ARID4A: variants seen among roughly 807,000 people sequenced by gnomAD.
ARID4A encodes the protein AT-rich interactive domain-containing protein 4A.
In ARID4A, 39 loss-of-function variants were observed where a neutral mutation model predicts 148.6. The ratio of observed to expected loss-of-function variants is 0.26; its 90% CI spans 0.20 to 0.34. The LOEUF is 0.34. ARID4A is among the 10% of genes least tolerant of loss of function. The pLI, the probability that ARID4A is intolerant of heterozygous loss-of-function variation, is 1.00. For missense variants in ARID4A, 1,265 were observed against 1,449.1 expected (o/e 0.87, Z 2.06); for synonymous variants, 475 against 481.2 (o/e 0.99, Z 0.17).
chr14:58,332,769 A>G (rs181241501), intron 11 of ARID4A, among the ~76,000 whole-genome samples: 313 of 152,262 alleles, frequency 2.1e-3, no homozygotes, highest in African/African-American at 6.9e-3. Flanking sequence ...CCAAAATGTA[A>G]CGATGCTATG....
At chr14:58,306,176 A>T in intron 5 of ARID4A, 64 bp downstream of exon 5, 2 of 1,111,914 alleles carry the variant, frequency 1.8e-6, no homozygotes, top group East Asian at 2.4e-5. Flanking sequence ...TGTTTTGTGG[A>T]TACACTGAAT....
At chr14:58,313,279 A>G (rs1428176582) in intron 5 of ARID4A, among the ~76,000 whole-genome samples, 1 of 152,270 alleles carries the variant, frequency 6.6e-6, no homozygotes, top group South Asian at 2.1e-4. Context: ...GTGAGAGACA[A>G]TTTTTCCATG....
chr14:58,366,299 G>A, intron 22 of ARID4A, 69 bp downstream of exon 22: 6 of 1,196,260 alleles, frequency 5.0e-6, no homozygotes, highest in South Asian at 2.7e-5. Flanking sequence ...ATATCAACTT[G>A]GATTAATGTT....
In ARID4A at chr14:58,364,674, A is replaced by C. The variant is rs1432607596; in HGVS notation, c.2585A>C (p.Gln862Pro). The change falls in exon 20 of 24, where the codon CAA becomes CCA. Residue 862 changes from glutamine (Q) to proline (P), a missense_variant. Gln to Pro is a moderately conservative substitution (Grantham distance 76). Transcript: ENST00000355431. ...AAGTTGAAACGGAAAATACTAGGAC[A>C]ATCATCGCCAGAGAAAAAAATAAGA... Reference protein sequence around the residue: ...EKKLKRKILGQSSPEKKIRIE... With the variant: ...EKKLKRKILGPSSPEKKIRIE... 1 of 1,613,964 alleles carries C rather than the reference A, an allele frequency of 6.2e-7. No homozygotes were observed.
chr14:58,309,979 A>T (rs2031897089), intron 5 of ARID4A, among the ~76,000 whole-genome samples: 1 of 152,202 alleles, frequency 6.6e-6, no homozygotes, highest in African/African-American at 2.4e-5. Flanking sequence ...GCTTATGACA[A>T]ATGTTATAAT....
In ARID4A at chr14:58,320,525, A is replaced by G. The variant is rs1249441794; in HGVS notation, c.449+1720A>G. On this transcript the variant is annotated intron_variant, in intron 7 of 23. Coordinates refer to ENST00000355431, the MANE Select transcript of ARID4A (RefSeq NM_002892.4). ...GATCCAATTCAGGATCATGCATTGC[A>G]TATAGTTTATATGGTTCTTGAGTCT... is the stretch of plus-strand genomic sequence containing the variant. Among the ~76,000 whole-genome samples, 3 of 151,914 alleles carry G rather than the reference A, an allele frequency of 2.0e-5. 1 individual carries two copies. The highest frequency in any genetic ancestry group is 6.3e-3 in the Middle Eastern group (2 of 316).
intron 22 of ARID4A, 26 bp downstream of exon 22, chr14:58,366,256 A>T: frequency 6.6e-7 from 1 of 1,518,348 alleles, no homozygotes; most frequent in Non-Finnish European, 9.1e-7. Flanking sequence ...AAAACTTGAT[A>T]GATGAATACT....
chr14:58,361,450 G>A (rs2035127362), intron 19 of ARID4A, among the ~76,000 whole-genome samples: 1 of 152,176 alleles, frequency 6.6e-6, no homozygotes, highest in South Asian at 2.1e-4. Context: ...CATGTGAACA[G>A]TCTGTGATTG....
intron 7 of ARID4A, among the ~76,000 whole-genome samples, chr14:58,321,270 A>G (rs1196092453): frequency 6.6e-6 from 1 of 152,254 alleles, no homozygotes; most frequent in South Asian, 2.1e-4. Context: ...AGTTAGTACT[A>G]TTATGATAGC....
At chr14:58,347,497 TA>T (rs2034429782) in intron 14 of ARID4A, 149 bp from the exon 15 acceptor site, 2 of 611,426 alleles carry the variant, frequency 3.3e-6, no homozygotes, top group South Asian at 2.8e-5. Flanking sequence ...TGATTCTATC[TA>T]AAACACCAAG....
chr14:58,307,561 T>C (rs1275606300), intron 5 of ARID4A, among the ~76,000 whole-genome samples: 1 of 152,238 alleles, frequency 6.6e-6, no homozygotes, highest in Admixed American at 6.5e-5. Context: ...GGCTCTAACC[T>C]GTAATCCCAG....
chr14:58,329,594 C>T lies in ARID4A; in HGVS notation c.729C>T (p.Ser243=). Residue 243 remains serine (S), a synonymous_variant, in exon 10 of 24, where the codon TCC becomes TCT. Transcript: ENST00000355431. ...TCAATCTACCGGAATCTGAGCTCTC[C>T]ACTAAACCAGGTAAAATAAAGATGA... The part of the protein sequence containing the change: ...DILNLPESEL[S]TKPGLQKASI... The T allele has an allele frequency of 6.2e-7, 1 of 1,600,742 alleles. No individual in the cohort carries two copies. Among genetic ancestry groups the T allele is most frequent in the South Asian group, 1.1e-5 (1 of 90,786 alleles).
chr14:58,319,997 GAGTGC>G (rs2032754599), intron 7 of ARID4A, among the ~76,000 whole-genome samples: 1 of 146,688 alleles, frequency 6.8e-6, no homozygotes, highest in Non-Finnish European at 1.5e-5. Context: ...CGCCAGGCTG[GAGTGC>G]AGTGGTGCAA....
rs760031618 is a variant in ARID4A at position 58,329,571 on chromosome 14, A to C, written c.706A>C (p.Asn236His). Reference sequence around the variant, plus strand: ...GGACATTAAGGAAGTAGACATTCTCAATCTACCGGAATCTGAGCTCTCCAC... The same window carrying C: ...GGACATTAAGGAAGTAGACATTCTCCATCTACCGGAATCTGAGCTCTCCAC... ...RKDIKEVDIL[N>H]LPESELSTKP... Residue 236 changes from asparagine (N) to histidine (H), a missense_variant, in exon 10 of 24, where the codon AAT becomes CAT. By Grantham distance (68) the Asn-to-His change is moderately conservative (BLOSUM62 1). Transcript: ENST00000355431. The C allele has an allele frequency of 6.2e-7, 1 of 1,606,800 alleles. No individual in the cohort carries two copies. Among genetic ancestry groups the C allele is most frequent in the Non-Finnish European group, 8.5e-7 (1 of 1,173,578 alleles).
intron 11 of ARID4A, among the ~76,000 whole-genome samples, chr14:58,332,310 A>G (rs1328999862): frequency 1.3e-5 from 2 of 152,190 alleles, no homozygotes; most frequent in African/African-American, 4.8e-5. Flanking sequence ...AATTAAGTGA[A>G]TCAGGATGCT....
At chr14:58,338,134 T>C (rs2033923225) in intron 11 of ARID4A, among the ~76,000 whole-genome samples, 1 of 152,150 alleles carries the variant, frequency 6.6e-6, no homozygotes, top group Non-Finnish European at 1.5e-5. Flanking sequence ...AACGCAAGTT[T>C]TAAAAACTCA....
intron 5 of ARID4A, among the ~76,000 whole-genome samples, chr14:58,317,675 C>T (rs569128513): frequency 3.5e-5 from 4 of 115,288 alleles, no homozygotes; most frequent in Non-Finnish European, 6.8e-5. Flanking sequence ...TTTGCTGTCA[C>T]CCAGTGGCAC....
intron 19 of ARID4A, among the ~76,000 whole-genome samples, chr14:58,363,550 T>G (rs1015977693): frequency 2.6e-5 from 4 of 152,026 alleles, no homozygotes; most frequent in Admixed American, 2.6e-4. Flanking sequence ...AATACAAAAA[T>G]TAGCCGGGCG....
Position 58,365,016 on chromosome 14 carries a change from A to T in ARID4A, c.2927A>T (p.Glu976Val). 1 of 1,614,172 alleles carries T rather than the reference A, an allele frequency of 6.2e-7. No individual in the cohort carries two copies. The highest frequency in any genetic ancestry group is 8.5e-7 in the Non-Finnish European group (1 of 1,180,022). The change falls in exon 20 of 24, where the codon GAG (glutamate) becomes GTG (valine). Residue 976 changes from glutamate to valine, a missense_variant. This residue lies in a region of ARID4A where 666 missense variants were observed against 730.9 expected (regional missense o/e 0.91). Coordinates refer to ENST00000355431, the MANE Select transcript of ARID4A (RefSeq NM_002892.4). Reference protein sequence around the residue: ...DLDEKDKTSIEDVAVESSESN... With the variant: ...DLDEKDKTSIVDVAVESSESN... The stretch of plus-strand genomic sequence containing the variant: ...GATGAAAAGGATAAGACCAGCATTG[A>T]GGATGTAGCAGTTGAAAGCTCTGAG...
Sources: gnomAD v4.1 joint callset for allele counts (sites outside exome capture counted in the v4.1 genomes callset) on GRCh38, gnomAD v4.1.1 for gene constraint, gnomAD v4.1.1 regional missense constraint, MANE v1.5 for transcripts, NCBI Gene and HGNC (gene_info 2026-07-23, HGNC 2026-07-21) for gene names.